The following MAPK6 variants were observed in gnomAD, a reference collection of about 807,000 sequenced individuals.
The protein encoded by MAPK6 is mitogen-activated protein kinase 6.
A neutral mutation model predicts 59.3 loss-of-function variants in MAPK6; 19 were observed. The observed-to-expected ratio is 0.32, with a 90% CI of 0.22 to 0.47. The LOEUF is 0.47. Among genes scored for constraint, MAPK6 ranks in the 20% least tolerant of loss-of-function variants. The pLI is 1.00. For missense variants in MAPK6, 724 were observed against 847.9 expected (o/e 0.85, Z 1.81); for synonymous variants, 316 against 290.3 (o/e 1.09, Z -0.90).
intron 1 of MAPK6, chr15:52,033,726 A>G (rs2031133056): frequency 6.6e-6 from 1 of 152,162 alleles, no homozygotes; most frequent in Non-Finnish European, 1.5e-5. Context: ...TATATACATA[A>G]AACTTATTAT....
At chr15:52,041,556 A>C (rs1017978114) in intron 1 of MAPK6, among the ~76,000 whole-genome samples, 5 of 152,208 alleles carry the variant, frequency 3.3e-5, no homozygotes, top group African/African-American at 1.2e-4. Flanking sequence ...AATTAATAGT[A>C]CACTGATGTG....
At chr15:52,028,078 G>C (rs140362195) in intron 1 of MAPK6, among the ~76,000 whole-genome samples, 2 of 147,136 alleles carry the variant, frequency 1.4e-5, no homozygotes, top group South Asian at 2.1e-4. Flanking sequence ...TCAGCTTTCC[G>C]AGTAGCTGGG....
chr15:52,054,380 G>T (rs970220049), intron 3 of MAPK6, among the ~76,000 whole-genome samples: 4 of 118,434 alleles, frequency 3.4e-5, no homozygotes, highest in Non-Finnish European at 7.0e-5. Context: ...GGGTGGGTGG[G>T]ACGGGAAGGG....
In MAPK6 at chr15:51,976,954, T is replaced by A. The variant is rs374719502; in HGVS notation, c.-880+5048T>A. ...CAAGACTCTGTCTCAAAAAAATAAA[T>A]TAATAAAATAAAATTCTGAAGGAAA... is the stretch of plus-strand genomic sequence containing the variant. On this transcript the variant is annotated intron_variant, in intron 1 of 7. Transcript: ENST00000691380. 1.3e-3 allele frequency among the ~76,000 whole-genome samples: 201 copies of A among 151,610 alleles called. 13 individuals carry two copies. The highest frequency in any genetic ancestry group is 9.5e-3 in the East Asian group (49 of 5,176).
chr15:52,050,262 A>T (rs922025158), intron 3 of MAPK6, 125 bp downstream of exon 3: 1 of 846,670 alleles, frequency 1.2e-6, no homozygotes. Flanking sequence ...ATGAACAGAT[A>T]AATTGGCGTT....
intron 3 of MAPK6, among the ~76,000 whole-genome samples, chr15:52,055,331 C>T (rs537963835): frequency 1.4e-4 from 22 of 152,236 alleles, no homozygotes; most frequent in Non-Finnish European, 2.9e-4. Flanking sequence ...TGCTTGAGCC[C>T]GGCAGGTCAA....
chr15:52,005,838 G>T (rs1406485564), intron 3 of MAPK6, among the ~76,000 whole-genome samples: 1 of 152,168 alleles, frequency 6.6e-6, no homozygotes, highest in African/African-American at 2.4e-5. Context: ...ACATCAGAGA[G>T]ATTCTTCTGG....
chr15:52,013,006 AAAAAAAAAAAAAAAATAT>A (rs2030118456), intron 3 of MAPK6, among the ~76,000 whole-genome samples: 1 of 23,144 alleles, frequency 4.3e-5, no homozygotes, highest in East Asian at 7.0e-4. Flanking sequence ...AAAAAAAAAA[AAAAAAAAAAAAAAAATAT>A]ATATATATAT....
At chr15:51,977,217 G>A (rs966304279) in intron 1 of MAPK6, among the ~76,000 whole-genome samples, 20 of 151,510 alleles carry the variant, frequency 1.3e-4, no homozygotes, top group African/African-American at 4.8e-4. Flanking sequence ...TGTCCAGGCT[G>A]GTCTCGAGCT....
At chr15:51,977,725 C>T (rs1277834781) in intron 1 of MAPK6, among the ~76,000 whole-genome samples, 2 of 151,692 alleles carry the variant, frequency 1.3e-5, no homozygotes. Context: ...TTTGTAGAGA[C>T]AGGGTCTCAC....
intron 1 of MAPK6, among the ~76,000 whole-genome samples, chr15:51,974,479 C>T (rs534513144): frequency 3.6e-4 from 54 of 150,492 alleles, no homozygotes; most frequent in Non-Finnish European, 5.5e-4. Flanking sequence ...ACACAGTGAC[C>T]CCGTCTCTAC....
At chr15:52,063,384 GCTAAGTTAT>G (rs2032281093) in intron 5 of MAPK6, among the ~76,000 whole-genome samples, 1 of 152,134 alleles carries the variant, frequency 6.6e-6, no homozygotes, top group African/African-American at 2.4e-5. Context: ...ATTTTACCTA[GCTAAGTTAT>G]CTAATCTCTT....
Position 52,046,474 on chromosome 15 carries a change from T to C in MAPK6, c.14T>C (p.Phe5Ser). 6.3e-7 allele frequency: 1 copy of C among 1,597,316 alleles called. No individual in the cohort carries two copies. Among genetic ancestry groups the C allele is most frequent in the African/African-American group, 1.3e-5 (1 of 74,166 alleles). ...AAGGGTTTCAAAATGGCAGAGAAAT[T>C]TGAAAGTCTCATGAACATTCATGGT... MAEK[F>S]ESLMNIHGFD... Residue 5 changes from phenylalanine (F) to serine (S), a missense_variant, in exon 2 of 6, where the codon TTT becomes TCT. This residue lies in a region of MAPK6 where 30 missense variants were observed against 55.3 expected (regional missense o/e 0.54). Transcript: ENST00000261845.
chr15:52,045,467 A>G (rs76266066), intron 1 of MAPK6, among the ~76,000 whole-genome samples: 81 of 152,350 alleles, frequency 5.3e-4, no homozygotes, highest in East Asian at 4.4e-3. Flanking sequence ...GGCTTCTTCT[A>G]TATTCTTTTA....
In MAPK6 at chr15:52,045,917, T is replaced by A. The variant is rs59033446; in HGVS notation, c.-544T>A. The A allele has an allele frequency of 0.033, 5,009 of 153,184 alleles. 269 individuals are homozygous for A. The highest frequency in any genetic ancestry group is 0.11 in the African/African-American group (4,700 of 41,506). The allele number at this position is 153,184 out of a possible 1,614,324, so 9.5% of individuals were successfully genotyped here. A position where few individuals can be genotyped will look rare whatever the true frequency, so the allele number is the denominator to read the frequency against. On this transcript the variant is annotated 5_prime_UTR_variant, in exon 2 of 6. Coordinates refer to ENST00000261845, the MANE Select transcript of MAPK6 (RefSeq NM_002748.4). ...ATCACTAACAAAAGACATCTTCTGT[T>A]AACCAACAGCCGCCAGGGCTTCCTG...
intron 4 of MAPK6, 38 bp downstream of exon 4, chr15:52,058,835 G>GTGT (rs768938031): frequency 1.3e-6 from 2 of 1,547,068 alleles, no homozygotes; most frequent in Non-Finnish European, 8.8e-7. Context: ...GTTAATGCCT[G>GTGT]TGTGTGAGGC....
In MAPK6 at chr15:52,051,938, G is replaced by T. The variant is rs975361767; in HGVS notation, c.700+1801G>T. On this transcript the variant is annotated intron_variant, in intron 3 of 5. Coordinates refer to ENST00000261845, the MANE Select transcript of MAPK6 (RefSeq NM_002748.4). ...AAATTGGAATTCGGAGGGATTCCTG[G>T]AAACTAAATTATTAAATGGATTGAT... Among the ~76,000 whole-genome samples the T allele has an allele frequency of 5.7e-4, 86 of 152,036 alleles. 2 individuals carry two copies. The highest frequency in any genetic ancestry group is 8.8e-5 in the Non-Finnish European group (6 of 68,016).
chr15:52,059,795 G>A (rs1405899329), intron 4 of MAPK6, among the ~76,000 whole-genome samples: 1 of 152,192 alleles, frequency 6.6e-6, no homozygotes, highest in Non-Finnish European at 1.5e-5. Flanking sequence ...GCAAGTGAAT[G>A]CAGAGTGGAT....
At chr15:51,992,911 T>C (rs2057214229) in intron 2 of MAPK6, among the ~76,000 whole-genome samples, 1 of 152,072 alleles carries the variant, frequency 6.6e-6, no homozygotes, top group Admixed American at 6.6e-5. Context: ...CTCCACGTGT[T>C]CACTTATCTG....
Sources: allele counts gnomAD v4.1 joint callset (sites outside exome capture counted in the v4.1 genomes callset), GRCh38; gene constraint gnomAD v4.1.1; regional missense constraint gnomAD v4.1.1; transcripts MANE v1.5; gene names NCBI Gene and HGNC (gene_info 2026-07-23, HGNC 2026-07-21).